The following SLC25A12 variants were observed in gnomAD, a reference collection of about 807,000 sequenced individuals.
The protein encoded by SLC25A12 is electrogenic aspartate/glutamate antiporter SLC25A12, mitochondrial.
In SLC25A12, 32 loss-of-function variants were observed where a neutral mutation model predicts 83.3. The ratio of observed to expected loss-of-function variants is 0.38; its 90% confidence interval spans 0.29 to 0.52. The LOEUF (loss-of-function observed/expected upper bound fraction) is 0.52. Ranked by LOEUF, SLC25A12 falls within the 20% of genes least tolerant of loss-of-function variation. SLC25A12 has a pLI of 0.84. For synonymous variants in SLC25A12, 267 were observed against 291.1 expected, an observed-to-expected ratio of 0.92 and a Z score of 0.84; for missense variants, 611 against 835.6, an observed-to-expected ratio of 0.73 and a Z score of 3.31.
chr2:171,799,396 T>C lies in SLC25A12; in HGVS notation c.1306-5629A>G, dbSNP rs115263996. ...GTTGGACTACACTAATTCCTGGGGATGAGAGGTGGAAGAGCTGTTTCCAAA... is the reference window on the plus strand; with the variant it reads ...GTTGGACTACACTAATTCCTGGGGACGAGAGGTGGAAGAGCTGTTTCCAAA... On this transcript the variant is annotated intron_variant, in intron 13 of 17. Transcript: ENST00000422440. 3.5e-3 allele frequency among the ~76,000 whole-genome samples: 531 copies of C among 152,324 alleles called. 3 individuals carry two copies. The highest frequency in any genetic ancestry group is 0.011 in the African/African-American group (443 of 41,576).
At chr2:171,810,300 A>G (rs756361672) in intron 11 of SLC25A12, 24 bp from the exon 12 acceptor site, 1 of 1,595,794 alleles carries the variant, frequency 6.3e-7, no homozygotes. Flanking sequence ...CAGAATCATC[A>G]GCAATATAGC....
intron 13 of SLC25A12, among the ~76,000 whole-genome samples, chr2:171,803,559 A>G (rs1371714036): frequency 2.0e-5 from 3 of 152,208 alleles, no homozygotes; most frequent in Admixed American, 6.5e-5. Flanking sequence ...TCATTAGGCC[A>G]CAATAAGGTA....
intron 3 of SLC25A12, among the ~76,000 whole-genome samples, chr2:171,862,253 C>A (rs1685179155): frequency 6.6e-6 from 1 of 152,186 alleles, no homozygotes. Context: ...CTAGAAGTTA[C>A]AATTTCAAGT....
intron 9 of SLC25A12, among the ~76,000 whole-genome samples, chr2:171,815,577 C>T (rs1469057167): frequency 6.6e-6 from 1 of 152,042 alleles, no homozygotes; most frequent in Non-Finnish European, 1.5e-5. Context: ...AAATTTTTTT[C>T]CTTCTTTAAC....
At chr2:171,876,267 TAA>T (rs1321393198) in intron 2 of SLC25A12, among the ~76,000 whole-genome samples, 1 of 152,156 alleles carries the variant, frequency 6.6e-6, no homozygotes, top group African/African-American at 2.4e-5. Flanking sequence ...GAAAAAAGCA[TAA>T]GTTTTCTCCC....
At chr2:171,795,029 C>G (rs1183429771) in intron 13 of SLC25A12, among the ~76,000 whole-genome samples, 1 of 152,178 alleles carries the variant, frequency 6.6e-6, no homozygotes, top group East Asian at 1.9e-4. Flanking sequence ...TGCCTTGGGA[C>G]TATAAATCCC....
chr2:171,812,172 A>G (rs3770452), intron 11 of SLC25A12, among the ~76,000 whole-genome samples: 43,655 of 152,098 alleles, frequency 0.29, 6,549 homozygotes, highest in African/African-American at 0.37. Flanking sequence ...TTGATTTCGG[A>G]ATAACTCTCT....
rs779771090 is a variant in SLC25A12 at position 171,785,243 on chromosome 2, C to T, written c.*31G>A. On this transcript the variant is annotated 3_prime_UTR_variant, in exon 18 of 18. Coordinates refer to ENST00000422440, the MANE Select transcript of SLC25A12 (RefSeq NM_003705.5). ...CTCTCCTAGGCCTCTTTCTTCAAGG[C>T]GCCATTTTGCCACACTCAACAGTTG... 19 of 1,607,264 alleles carry T rather than the reference C, an allele frequency of 1.2e-5. No homozygotes were observed. Among genetic ancestry groups the T allele is most frequent in the African/African-American group, 6.7e-5 (5 of 74,808 alleles).
intron 9 of SLC25A12, among the ~76,000 whole-genome samples, chr2:171,819,110 T>A (rs1360828275): frequency 1.4e-5 from 2 of 139,684 alleles, no homozygotes; most frequent in Non-Finnish European, 1.5e-5. Flanking sequence ...ATACATAAAA[T>A]ATATATATAA....
chr2:171,806,567 T>C (rs1660096950), intron 13 of SLC25A12, among the ~76,000 whole-genome samples: 1 of 152,160 alleles, frequency 6.6e-6, no homozygotes, highest in South Asian at 2.1e-4. Context: ...CACTTCATGA[T>C]CTAGTCAACA....
In SLC25A12 at chr2:171,878,942, A is replaced by C. The variant is rs965121724; in HGVS notation, c.67-10119T>G. ...CCCTTTCACTACACAAGCACTCTAC[A>C]TAAGGAGCAAAGACCACAGCAGATC... On this transcript the variant is annotated intron_variant, in intron 2 of 17. Coordinates refer to ENST00000422440, the MANE Select transcript of SLC25A12 (RefSeq NM_003705.5). Among the ~76,000 whole-genome samples the C allele has an allele frequency of 2.0e-5, 3 of 152,226 alleles. No homozygotes were observed. The East Asian group carries it at 5.8e-4, about 29-fold the overall frequency.
chr2:171,818,816 A>C (rs889952360), intron 9 of SLC25A12, among the ~76,000 whole-genome samples: 3 of 151,998 alleles, frequency 2.0e-5, no homozygotes, highest in African/African-American at 7.3e-5. Context: ...TACCTCTTTC[A>C]AATGACACAC....
intron 4 of SLC25A12, among the ~76,000 whole-genome samples, chr2:171,851,428 A>T (rs910130486): frequency 6.7e-6 from 1 of 149,298 alleles, no homozygotes; most frequent in Non-Finnish European, 1.5e-5. Context: ...TGACCTTGTG[A>T]TCCTCCTGCC....
At chr2:171,803,808 A>T (rs1683762666) in intron 13 of SLC25A12, among the ~76,000 whole-genome samples, 1 of 61,060 alleles carries the variant, frequency 1.6e-5, no homozygotes, top group African/African-American at 4.4e-5. Context: ...TATTTAAAAA[A>T]ATACACACAC....
chr2:171,849,558 C>CTT lies in SLC25A12; in HGVS notation c.326-5052_326-5051dup, dbSNP rs72304626. Among the ~76,000 whole-genome samples, 246 of 114,532 alleles carry CTT rather than the reference C, an allele frequency of 2.1e-3. 2 individuals carry two copies. Among genetic ancestry groups the CTT allele is most frequent in the East Asian group, 6.5e-3 (27 of 4,178 alleles). The allele number at this position is 114,532 out of a possible 152,430, so 75.1% of individuals were successfully genotyped here. ...CGCAGGCTGAAGTCAGTGGTGTGAT[C>CTT]TTTTTTTTTTTTTTTTTTTTGAGAC... On this transcript the variant is annotated intron_variant, in intron 4 of 17. Transcript: ENST00000422440.
At chr2:171,892,288 C>G (rs1035732752) in intron 2 of SLC25A12, among the ~76,000 whole-genome samples, 1 of 151,294 alleles carries the variant, frequency 6.6e-6, no homozygotes, top group Non-Finnish European at 1.5e-5. Context: ...TGCAGTGGCA[C>G]GATCTCGACT....
chr2:171,817,907 T>C (rs1395431733), intron 9 of SLC25A12, among the ~76,000 whole-genome samples: 2 of 152,172 alleles, frequency 1.3e-5, no homozygotes, highest in Admixed American at 6.5e-5. Context: ...CAAAATCCTA[T>C]GAAAACTGAA....
At chr2:171,892,982 T>TAA (rs149404006) in intron 2 of SLC25A12, among the ~76,000 whole-genome samples, 34 of 148,486 alleles carry the variant, frequency 2.3e-4, no homozygotes, top group South Asian at 4.2e-4. Flanking sequence ...TTAAGTCATG[T>TAA]AAAAAAAAAA....
At chr2:171,866,986 T>C (rs1370892956) in intron 3 of SLC25A12, among the ~76,000 whole-genome samples, 2 of 145,000 alleles carry the variant, frequency 1.4e-5, no homozygotes, top group African/African-American at 5.2e-5. Context: ...GCTCCTCACC[T>C]CCCAGACGGG....
Sources: gnomAD v4.1 joint callset for allele counts (sites outside exome capture counted in the v4.1 genomes callset) on GRCh38, gnomAD v4.1.1 for gene constraint, MANE v1.5 for transcripts, NCBI Gene and HGNC (gene_info 2026-07-23, HGNC 2026-07-21) for gene names.